TGM3: variants seen among roughly 807,000 people sequenced by gnomAD.
TGM3 encodes transglutaminase 3, also known as protein-glutamine gamma-glutamyltransferase E.
TGM3 carries 52 observed loss-of-function variants against 73.8 expected under a neutral mutation model. The observed-to-expected ratio is 0.70, with a 90% CI of 0.56 to 0.89. The LOEUF (loss-of-function observed/expected upper bound fraction) is 0.89, where lower values mean the gene tolerates loss of function less well. TGM3 is among the 40% of genes least tolerant of loss of function. The pLI, the probability that TGM3 is intolerant of heterozygous loss-of-function variation, is 0.00. For synonymous variants in TGM3, 372 were observed against 354.9 expected (o/e 1.05, Z -0.54); for missense variants, 928 against 909.9 (o/e 1.02, Z -0.26).
Position 2,317,457 on chromosome 20 carries a change from C to G in TGM3, c.955C>G (p.Pro319Ala), listed in dbSNP as rs778533516. The change falls in exon 7 of 13, where the codon CCC becomes GCC. Residue 319 changes from proline (P) to alanine (A), a missense_variant. By Grantham distance (27) the Pro-to-Ala change is conservative. Transcript: ENST00000381458. ...VDVYYDPMGN[P>A]LDKGSDSVWN... ...TGTGTACTACGACCCCATGGGAAAC[C>G]CCCTGGACAAGGGTAGTGATAGCGT... 1.9e-5 allele frequency: 31 copies of G among 1,614,194 alleles called. No homozygotes were observed. The highest frequency in any genetic ancestry group is 2.4e-5 in the Non-Finnish European group (28 of 1,180,042).
chr20:2,310,133 T>C (rs770647646), intron 2 of TGM3, 45 bp from the exon 3 acceptor site: 24 of 1,609,924 alleles, frequency 1.5e-5, no homozygotes, highest in Non-Finnish European at 2.0e-5. Context: ...CTCCACAGTC[T>C]GACCAGTGCT....
chr20:2,311,212 T>G (rs550990643), intron 4 of TGM3, 83 bp downstream of exon 4: 42 of 1,116,222 alleles, frequency 3.8e-5, no homozygotes, highest in Non-Finnish European at 5.3e-5. Context: ...CAATGGGAAG[T>G]CCCACATCTG....
intron 1 of TGM3, among the ~76,000 whole-genome samples, chr20:2,309,117 G>T (rs1044346897): frequency 6.6e-6 from 1 of 152,242 alleles, no homozygotes; most frequent in Admixed American, 6.5e-5. Flanking sequence ...GATCTCAGGT[G>T]ATCTGCCTGC....
intron 5 of TGM3, among the ~76,000 whole-genome samples, chr20:2,315,731 T>C (rs2084230031): frequency 6.6e-6 from 1 of 152,212 alleles, no homozygotes; most frequent in Non-Finnish European, 1.5e-5. Flanking sequence ...CAGAGCACCT[T>C]TGTCCTAACT....
At chr20:2,304,591 G>A (rs1399483997) in intron 1 of TGM3, among the ~76,000 whole-genome samples, 4 of 152,126 alleles carry the variant, frequency 2.6e-5, no homozygotes, top group Non-Finnish European at 5.9e-5. Context: ...GGAGGTTTCG[G>A]GACCACAGTG....
chr20:2,322,421 G>A (rs2122234241), intron 7 of TGM3, among the ~76,000 whole-genome samples: 1 of 151,956 alleles, frequency 6.6e-6, no homozygotes, highest in East Asian at 1.9e-4. Context: ...TTTTAGTCAT[G>A]TGTTTTTTAC....
intron 1 of TGM3, among the ~76,000 whole-genome samples, chr20:2,298,042 A>G (rs2084120739): frequency 1.5e-5 from 1 of 68,038 alleles, no homozygotes; most frequent in Non-Finnish European, 3.8e-5. Context: ...GTCACAGACA[A>G]TGAGTTGGAC....
At chr20:2,326,980 T>C (rs2084291462) in intron 8 of TGM3, among the ~76,000 whole-genome samples, 2 of 152,180 alleles carry the variant, frequency 1.3e-5, no homozygotes, top group Middle Eastern at 3.2e-3. Flanking sequence ...CCAGAATCAG[T>C]GCACGTTACT....
chr20:2,326,289 C>T (rs1423186467), intron 8 of TGM3, among the ~76,000 whole-genome samples: 1 of 152,210 alleles, frequency 6.6e-6, no homozygotes, highest in Non-Finnish European at 1.5e-5. Flanking sequence ...TTCATGGTTC[C>T]CTGTTGCCCT....
At chr20:2,302,714 T>TAAAAAAAAAAAAAAAA (rs56347560) in intron 1 of TGM3, among the ~76,000 whole-genome samples, 19 of 105,266 alleles carry the variant, frequency 1.8e-4, no homozygotes, top group Non-Finnish European at 7.7e-5. Flanking sequence ...AGAGGTTTTC[T>TAAAAAAAAAAAAAAAA]AAAAAAAAAA....
At chr20:2,324,711 C>T (rs1318339184) in intron 7 of TGM3, among the ~76,000 whole-genome samples, 1 of 152,214 alleles carries the variant, frequency 6.6e-6, no homozygotes, top group Non-Finnish European at 1.5e-5. Context: ...CTCCTGGTTC[C>T]TCAGATCAGA....
At chr20:2,329,892 C>A (rs755859028) in intron 9 of TGM3, among the ~76,000 whole-genome samples, 2 of 152,170 alleles carry the variant, frequency 1.3e-5, no homozygotes, top group Non-Finnish European at 2.9e-5. Flanking sequence ...ACCTCTATAG[C>A]CTCACTGGAA....
At chr20:2,338,079 A>AT (rs1194934287) in intron 11 of TGM3, among the ~76,000 whole-genome samples, 2 of 151,684 alleles carry the variant, frequency 1.3e-5, no homozygotes, top group Non-Finnish European at 2.9e-5. Context: ...CAGGGCACCG[A>AT]TTTTTAAACT....
intron 8 of TGM3, among the ~76,000 whole-genome samples, chr20:2,326,943 C>G (rs1376303541): frequency 6.6e-6 from 1 of 152,126 alleles, no homozygotes; most frequent in Admixed American, 6.5e-5. Flanking sequence ...TTAAGTCTTA[C>G]CACACCCCCA....
At position 2,309,793 on chromosome 20, in the gene TGM3, T is replaced by A. The variant is rs771807538; in HGVS notation, c.144T>A (p.Leu48=). The change falls in exon 2 of 13, where the codon CTT becomes CTA. Residue 48 remains leucine, a synonymous_variant. Coordinates refer to ENST00000381458, the MANE Select transcript of TGM3 (RefSeq NM_003245.4). ...FQVLMIMNKG[L]GSNERLEFIV... ...TCTTAATGATCATGAACAAAGGCCT[T>A]GGCTCTAACGAAAGACTGGAGTTCA... 3 of 1,614,096 alleles carry A rather than the reference T, an allele frequency of 1.9e-6. No individual in the cohort carries two copies. The highest frequency in any genetic ancestry group is 2.5e-6 in the Non-Finnish European group (3 of 1,180,040).
chr20:2,310,193 A>G lies in TGM3; in HGVS notation c.197A>G (p.Glu66Gly). ...TCTTTGACAGGGCCTTACCCCTCAG[A>G]GTCGGCCATGACGAAGGCTGTGTTT... ...FIVSTGPYPS[E>G]SAMTKAVFPL... The change falls in exon 3 of 13, where the codon GAG (glutamate) becomes GGG (glycine). Residue 66 changes from glutamate (E) to glycine (G), a missense_variant. By Grantham distance (98) the Glu-to-Gly change is moderately conservative. Coordinates refer to ENST00000381458, the MANE Select transcript of TGM3 (RefSeq NM_003245.4). 1 of 1,614,180 alleles carries G rather than the reference A, an allele frequency of 6.2e-7. No homozygotes were observed.
At chr20:2,301,681 A>T (rs1568621025) in intron 1 of TGM3, among the ~76,000 whole-genome samples, 1 of 151,942 alleles carries the variant, frequency 6.6e-6, no homozygotes, top group Admixed American at 6.6e-5. Context: ...AGAGCTTAAA[A>T]ACCACTCAGC....
At chr20:2,320,577 C>A (rs1475099004) in intron 7 of TGM3, among the ~76,000 whole-genome samples, 1 of 152,158 alleles carries the variant, frequency 6.6e-6, no homozygotes. Context: ...TTTTCTAGGC[C>A]TTTCTTTTAA....
At chr20:2,321,759 A>G (rs1218548153) in intron 7 of TGM3, among the ~76,000 whole-genome samples, 1 of 152,152 alleles carries the variant, frequency 6.6e-6, no homozygotes, top group African/African-American at 2.4e-5. Flanking sequence ...AGCGTGGCAC[A>G]CAACCAGAAA....
Sources: gnomAD v4.1 joint callset for allele counts (sites outside exome capture counted in the v4.1 genomes callset) on GRCh38, gnomAD v4.1.1 for gene constraint, MANE v1.5 for transcripts, NCBI Gene and HGNC (gene_info 2026-07-23, HGNC 2026-07-21) for gene names.